MYH11: variants seen among roughly 807,000 people sequenced by gnomAD.
MYH11 encodes myosin-11.
Under a neutral mutation model 246.6 loss-of-function variants are expected in MYH11, and 80 were observed. The ratio of observed to expected loss-of-function variants is 0.32; its 90% CI spans 0.27 to 0.39. The LOEUF (loss-of-function observed/expected upper bound fraction) is 0.39. Ranked by LOEUF, MYH11 falls within the 10% of genes least tolerant of loss-of-function variation. The pLI, the probability that MYH11 is intolerant of heterozygous loss-of-function variation, is 1.00. For synonymous variants in MYH11, 1,071 were observed against 1,015.5 expected, an observed-to-expected ratio of 1.05 and a Z score of -1.04; for missense variants, 2,158 against 2,546.8, an observed-to-expected ratio of 0.85 and a Z score of 3.29.
intron 3 of MYH11, among the ~76,000 whole-genome samples, chr16:15,822,275 G>A (rs1030215759): frequency 4.6e-5 from 7 of 152,130 alleles, no homozygotes; most frequent in Admixed American, 1.3e-4. Flanking sequence ...GTGAGTTTTC[G>A]AGTTTCTTGT....
intron 26 of MYH11, 120 bp downstream of exon 26, chr16:15,735,246 G>C (rs776084298): frequency 1.8e-6 from 2 of 1,086,242 alleles, no homozygotes; most frequent in African/African-American, 3.1e-5. Context: ...AGCAAACCGC[G>C]GCCAGGAAGG....
At chr16:15,719,860 A>C in intron 34 of MYH11, 147 bp from the exon 35 acceptor site, 1 of 1,260,702 alleles carries the variant, frequency 7.9e-7, no homozygotes, top group East Asian at 2.4e-5. Context: ...TCTCAGTTCC[A>C]GGTGGCTGGT....
At chr16:15,824,183 A>T (rs2070056871) in intron 2 of MYH11, among the ~76,000 whole-genome samples, 1 of 152,256 alleles carries the variant, frequency 6.6e-6, no homozygotes, top group Non-Finnish European at 1.5e-5. Flanking sequence ...CATTTAATAA[A>T]GAAAGTGTTT....
chr16:15,851,182 C>T (rs79351746), intron 1 of MYH11, among the ~76,000 whole-genome samples: 2,029 of 152,238 alleles, frequency 0.013, 14 homozygotes, highest in Middle Eastern at 0.041. Context: ...CGCTCAAGGC[C>T]TGGTCCAGGT....
chr16:15,809,053 C>T (rs2043078540), intron 3 of MYH11, among the ~76,000 whole-genome samples: 1 of 152,118 alleles, frequency 6.6e-6, no homozygotes, highest in Non-Finnish European at 1.5e-5. Flanking sequence ...GAACCTATAT[C>T]AAGTTCCCTA....
intron 2 of MYH11, among the ~76,000 whole-genome samples, chr16:15,832,818 G>A (rs2043775413): frequency 2.0e-5 from 3 of 151,856 alleles, no homozygotes; most frequent in Non-Finnish European, 4.4e-5. Context: ...ATTACCCCAA[G>A]AGCCCTTTGC....
At chr16:15,819,369 C>T (rs1294448339) in intron 3 of MYH11, among the ~76,000 whole-genome samples, 3 of 152,160 alleles carry the variant, frequency 2.0e-5, no homozygotes, top group Non-Finnish European at 2.9e-5. Context: ...CTCAAACCAC[C>T]GACTGGTACT....
At chr16:15,795,967 T>C (rs1298019971) in intron 4 of MYH11, among the ~76,000 whole-genome samples, 1 of 152,212 alleles carries the variant, frequency 6.6e-6, no homozygotes, top group East Asian at 1.9e-4. Flanking sequence ...CTAATGAATA[T>C]TTATTCAATG....
At chr16:15,854,630 G>A (rs951043590) in intron 1 of MYH11, among the ~76,000 whole-genome samples, 16 of 152,240 alleles carry the variant, frequency 1.1e-4, no homozygotes, top group Admixed American at 8.5e-4. Context: ...TTTCCCGGAT[G>A]AGAAAGTGAG....
chr16:15,856,509 G>C (rs1052721862), intron 1 of MYH11, among the ~76,000 whole-genome samples: 6 of 151,984 alleles, frequency 3.9e-5, no homozygotes, highest in Non-Finnish European at 7.4e-5. Flanking sequence ...AAATTTTTTG[G>C]TGCCTAGAAT....
intron 3 of MYH11, among the ~76,000 whole-genome samples, chr16:15,805,796 G>A (rs1424157425): frequency 3.3e-5 from 5 of 152,088 alleles, no homozygotes; most frequent in Non-Finnish European, 7.4e-5. Flanking sequence ...AATCCCTGTG[G>A]TCTCAGCTAC....
At chr16:15,764,225 C>G (rs1328919305) in intron 9 of MYH11, among the ~76,000 whole-genome samples, 1 of 152,150 alleles carries the variant, frequency 6.6e-6, no homozygotes, top group Non-Finnish European at 1.5e-5. Context: ...TAATGAGTTG[C>G]AACAAAGATC....
At chr16:15,713,213 T>G (rs539741712) in intron 40 of MYH11, 2 of 152,124 alleles carry the variant, frequency 1.3e-5, no homozygotes, top group African/African-American at 4.8e-5. Flanking sequence ...AATGGAGGTG[T>G]TGGCCTCGGT....
At chr16:15,770,823 T>C (rs2042083051) in intron 9 of MYH11, among the ~76,000 whole-genome samples, 1 of 152,182 alleles carries the variant, frequency 6.6e-6, no homozygotes, top group Non-Finnish European at 1.5e-5. Flanking sequence ...ATCTACTCTG[T>C]TCTTTGGACA....
chr16:15,705,457 C>A (rs1198884730), intron 40 of MYH11, among the ~76,000 whole-genome samples: 1 of 152,194 alleles, frequency 6.6e-6, no homozygotes. Flanking sequence ...AAGGAAAAAT[C>A]AGATCTGCCT....
At chr16:15,771,753 C>T in intron 8 of MYH11, 41 bp from the exon 9 acceptor site, 1 of 1,612,280 alleles carries the variant, frequency 6.2e-7, no homozygotes, top group Non-Finnish European at 8.5e-7. Context: ...ATAAGACATA[C>T]TTCTAATTTC....
At chr16:15,764,695 T>C (rs116096464) in intron 9 of MYH11, among the ~76,000 whole-genome samples, 2 of 152,326 alleles carry the variant, frequency 1.3e-5, no homozygotes, top group Admixed American at 6.5e-5. Flanking sequence ...GCTGGTGGCA[T>C]TGTCTTATTT....
intron 40 of MYH11, among the ~76,000 whole-genome samples, chr16:15,709,386 C>T (rs952630857): frequency 6.6e-6 from 1 of 152,044 alleles, no homozygotes; most frequent in Non-Finnish European, 1.5e-5. Context: ...TCTATCTCTG[C>T]TCACTGCAAC....
chr16:15,738,494 C>T (rs1033282854), intron 24 of MYH11, 71 bp downstream of exon 24: 1 of 1,448,174 alleles, frequency 6.9e-7, no homozygotes, highest in Admixed American at 1.9e-5. Context: ...GCCTGGGCAA[C>T]AGAGCAAGAC....
Sources: gnomAD v4.1 joint callset for allele counts (sites outside exome capture counted in the v4.1 genomes callset) on GRCh38, gnomAD v4.1.1 for gene constraint, MANE v1.5 for transcripts, NCBI Gene and HGNC (gene_info 2026-07-23, HGNC 2026-07-21) for gene names.